The following GRM7 variants were observed in gnomAD, a reference collection of about 807,000 sequenced individuals.
GRM7 encodes the protein metabotropic glutamate receptor 7.
In GRM7, 35 loss-of-function variants were observed where a neutral mutation model predicts 84.5. The observed-to-expected ratio is 0.41, with a 90% confidence interval of 0.32 to 0.55. The LOEUF is 0.55. Among genes scored for constraint, GRM7 ranks in the 20% least tolerant of loss-of-function variants. The pLI, the probability that GRM7 is intolerant of heterozygous loss-of-function variation, is 0.19. For missense variants in GRM7, 1,003 were observed against 1,194.6 expected (o/e 0.84, Z 2.36); for synonymous variants, 487 against 455.1 (o/e 1.07, Z -0.89).
At chr3:7,419,426 C>T (rs746793756) in intron 5 of GRM7, among the ~76,000 whole-genome samples, 3 of 152,170 alleles carry the variant, frequency 2.0e-5, no homozygotes, top group South Asian at 2.1e-4. Flanking sequence ...TCCTGAGGAG[C>T]TGTGTCCTTA....
At chr3:7,020,072 C>T (rs1371917586) in intron 1 of GRM7, among the ~76,000 whole-genome samples, 1 of 152,174 alleles carries the variant, frequency 6.6e-6, no homozygotes, top group Non-Finnish European at 1.5e-5. Context: ...TGGTCTTGAT[C>T]TCTTGACCTC....
intron 8 of GRM7, among the ~76,000 whole-genome samples, chr3:7,605,869 C>T (rs907255855): frequency 1.3e-5 from 2 of 152,140 alleles, no homozygotes; most frequent in Non-Finnish European, 2.9e-5. Context: ...CTGAACTTTG[C>T]TATTGTAGTG....
At chr3:7,330,320 T>C (rs1005339039) in intron 4 of GRM7, among the ~76,000 whole-genome samples, 7 of 152,112 alleles carry the variant, frequency 4.6e-5, no homozygotes, top group African/African-American at 1.7e-4. Context: ...TGACTTTCTG[T>C]CCCTGGAAGA....
intron 1 of GRM7, among the ~76,000 whole-genome samples, chr3:6,875,707 G>A (rs537170303): frequency 1.2e-4 from 18 of 152,160 alleles, no homozygotes; most frequent in East Asian, 9.6e-4. Flanking sequence ...TGATTATGTC[G>A]TTGACTTATC....
intron 4 of GRM7, among the ~76,000 whole-genome samples, chr3:7,340,649 A>G (rs1361912595): frequency 6.6e-6 from 1 of 152,188 alleles, no homozygotes; most frequent in East Asian, 1.9e-4. Flanking sequence ...CTTCGTTAGA[A>G]AGAGGGCATC....
chr3:6,934,794 G>C (rs961407974), intron 1 of GRM7, among the ~76,000 whole-genome samples: 2 of 152,050 alleles, frequency 1.3e-5, no homozygotes, highest in Non-Finnish European at 2.9e-5. Context: ...AGTTTGGATT[G>C]GTAGGGGAAT....
chr3:6,864,054 A>C (rs1446975231), intron 1 of GRM7, among the ~76,000 whole-genome samples: 2 of 152,154 alleles, frequency 1.3e-5, no homozygotes, highest in Non-Finnish European at 2.9e-5. Context: ...CCATTCCCTG[A>C]GCTGAGGAGA....
chr3:7,251,711 T>C (rs1181166744), intron 2 of GRM7, among the ~76,000 whole-genome samples: 1 of 152,162 alleles, frequency 6.6e-6, no homozygotes, highest in Admixed American at 6.5e-5. Context: ...TTCCAAGATA[T>C]TCAGTCCACT....
Position 7,406,477 on chromosome 3 carries a change from G to A in GRM7, c.1034-8546G>A, listed in dbSNP as rs565148062. On this transcript the variant is annotated intron_variant, in intron 4 of 9. Transcript: ENST00000357716. ...ATCACACCACTGCACTCCAGCCTGG[G>A]CAACAGAGCAAGACTCTGTCTCAAA... Among the ~76,000 whole-genome samples, 4 of 152,036 alleles carry A rather than the reference G, an allele frequency of 2.6e-5. No individual in the cohort carries two copies. The South Asian group carries it at 6.2e-4, about 24-fold the overall frequency.
intron 1 of GRM7, among the ~76,000 whole-genome samples, chr3:7,088,590 C>T (rs994761080): frequency 6.7e-6 from 1 of 149,540 alleles, no homozygotes; most frequent in Non-Finnish European, 1.5e-5. Flanking sequence ...TACAACCTCT[C>T]CACTTTAAAA....
chr3:7,020,765 AT>A (rs1249288510), intron 1 of GRM7, among the ~76,000 whole-genome samples: 1 of 152,124 alleles, frequency 6.6e-6, no homozygotes, highest in Non-Finnish European at 1.5e-5. Context: ...TATTTATCAA[AT>A]TTTTTTAGAG....
At chr3:7,170,730 C>T (rs1256488498) in intron 2 of GRM7, among the ~76,000 whole-genome samples, 1 of 152,112 alleles carries the variant, frequency 6.6e-6, no homozygotes, top group Non-Finnish European at 1.5e-5. Context: ...TGGATGCTTC[C>T]ATTCAGAAGA....
chr3:6,976,089 G>T (rs937870236), intron 1 of GRM7, among the ~76,000 whole-genome samples: 3 of 152,042 alleles, frequency 2.0e-5, no homozygotes, highest in Non-Finnish European at 2.9e-5. Context: ...TGAGCTTTCC[G>T]GTTTATTTAC....
intron 1 of GRM7, among the ~76,000 whole-genome samples, chr3:7,086,011 C>T (rs994539309): frequency 1.3e-5 from 2 of 151,170 alleles, no homozygotes; most frequent in Non-Finnish European, 2.9e-5. Flanking sequence ...TTGATAAGGA[C>T]AGTAAAAGTT....
intron 8 of GRM7, among the ~76,000 whole-genome samples, chr3:7,635,376 G>A (rs1273027922): frequency 2.0e-5 from 3 of 152,232 alleles, no homozygotes; most frequent in Non-Finnish European, 4.4e-5. Flanking sequence ...CTTGAGGGAT[G>A]TTCAACAACG....
chr3:7,008,976 A>T (rs338083), intron 1 of GRM7, among the ~76,000 whole-genome samples: 65,915 of 152,038 alleles, frequency 0.43, 16,329 homozygotes, highest in Non-Finnish European at 0.54. Flanking sequence ...GCTCAGATGA[A>T]ATAATGAATA....
intron 2 of GRM7, among the ~76,000 whole-genome samples, chr3:7,201,579 T>C (rs977580770): frequency 7.2e-5 from 11 of 152,170 alleles, no homozygotes; most frequent in Non-Finnish European, 1.3e-4. Flanking sequence ...CTATACTGTC[T>C]TGAAGGTTTG....
chr3:7,599,769 A>G (rs557091139), intron 8 of GRM7, among the ~76,000 whole-genome samples: 1 of 152,258 alleles, frequency 6.6e-6, no homozygotes, highest in Admixed American at 6.5e-5. Flanking sequence ...ACCTGATATC[A>G]TGAAGCCCTA....
chr3:7,630,306 G>A (rs911552003), intron 8 of GRM7, among the ~76,000 whole-genome samples: 11 of 144,442 alleles, frequency 7.6e-5, no homozygotes, highest in Admixed American at 1.4e-4. Context: ...TCCCTGAGTT[G>A]TCTGATTAGA....
Sources: gnomAD v4.1 joint callset for allele counts (sites outside exome capture counted in the v4.1 genomes callset) on GRCh38, gnomAD v4.1.1 for gene constraint, MANE v1.5 for transcripts, NCBI Gene and HGNC (gene_info 2026-07-23, HGNC 2026-07-21) for gene names.